The following NBEAL2 variants were observed in gnomAD, a reference collection of about 807,000 sequenced individuals.
NBEAL2 encodes neurobeachin-like protein 2.
A neutral mutation model predicts 299.8 loss-of-function variants in NBEAL2; 160 were observed. The ratio of observed to expected loss-of-function variants is 0.53; its 90% CI spans 0.47 to 0.61. The LOEUF (loss-of-function observed/expected upper bound fraction) is 0.61, where lower values mean the gene tolerates loss of function less well. Ranked by LOEUF, NBEAL2 falls within the 20% of genes least tolerant of loss-of-function variation. NBEAL2 has a pLI of 0.00. For missense variants in NBEAL2, 3,112 were observed against 3,649.0 expected (o/e 0.85, Z 3.79); for synonymous variants, 1,493 against 1,542.3 (o/e 0.97, Z 0.75).
intron 21 of NBEAL2, 29 bp from the exon 22 acceptor site, chr3:46,998,434 G>A (rs2036674663): frequency 6.3e-7 from 1 of 1,592,586 alleles, no homozygotes; most frequent in African/African-American, 1.3e-5. Flanking sequence ...CAGCCTAGTG[G>A]CCTGAGCCCT....
In NBEAL2 at chr3:47,009,350, C is replaced by A. The variant is rs772660103; in HGVS notation, c.*30C>A. 6.4e-7 allele frequency: 1 copy of A among 1,556,154 alleles called. No individual in the cohort carries two copies. Among genetic ancestry groups the A allele is most frequent in the East Asian group, 2.4e-5 (1 of 41,212 alleles). On this transcript the variant is annotated 3_prime_UTR_variant, in exon 54 of 54. Coordinates refer to ENST00000450053, the MANE Select transcript of NBEAL2 (RefSeq NM_015175.3). ...GGCCAGTCCGGCTGCTCGGGCCCCG[C>A]CCCCGGCAGGCCTGGCCCGGGAGGC...
rs767054517 is a variant in NBEAL2, at chr3:47,002,206, C to G, written c.5069C>G (p.Pro1690Arg). ...GLQWGLPSLP[P>R]TNGSPTFFED... ...CAGTGGGGACTGCCCTCCCTGCCACCCACCAATGGCAGCCCCACCTTCTTT... is the reference window on the plus strand; with the variant it reads ...CAGTGGGGACTGCCCTCCCTGCCACGCACCAATGGCAGCCCCACCTTCTTT... The change falls in exon 31 of 54, where the codon CCC becomes CGC. Residue 1690 changes from proline to arginine, a missense_variant. Pro to Arg is a moderately radical substitution (Grantham distance 103). Transcript: ENST00000450053. 13 of 1,531,632 alleles carry G rather than the reference C, an allele frequency of 8.5e-6. No individual in the cohort carries two copies. The highest frequency in any genetic ancestry group is 1.1e-5 in the Non-Finnish European group (13 of 1,136,322). The allele number at this position is 1,531,632 out of a possible 1,614,324, so 94.9% of individuals were successfully genotyped here.
In NBEAL2 at chr3:46,991,589, C is replaced by T. The variant is rs1288539791; in HGVS notation, c.826C>T (p.Leu276=). The change falls in exon 8 of 54, where the codon CTG becomes TTG. Residue 276 remains leucine, a synonymous_variant. Coordinates refer to ENST00000450053, the MANE Select transcript of NBEAL2 (RefSeq NM_015175.3). The surrounding 1 kb of genome is among the most constrained non-coding windows in gnomAD (Gnocchi z 6.2). ...APPRGPELRA[L]LESYFHVLNA... is the part of the protein sequence containing the mutation. Reference sequence around the variant, plus strand: ...TCCTCGTGGCCCAGAGCTTCGTGCCCTGCTTGAGAGCTACTTCCATGTCCT... The same window carrying T: ...TCCTCGTGGCCCAGAGCTTCGTGCCTTGCTTGAGAGCTACTTCCATGTCCT... 1 of 1,601,720 alleles carries T rather than the reference C, an allele frequency of 6.2e-7. No homozygotes were observed. Among genetic ancestry groups the T allele is most frequent in the South Asian group, 1.1e-5 (1 of 91,086 alleles).
intron 12 of NBEAL2, 126 bp downstream of exon 12, chr3:46,994,679 A>C: frequency 2.4e-6 from 2 of 829,426 alleles, no homozygotes; most frequent in Non-Finnish European, 3.8e-6. Context: ...TGTTACCTGT[A>C]GCCTGGCCAT....
chr3:47,008,941 A>G, intron 52 of NBEAL2, 48 bp from the exon 53 acceptor site: 1 of 1,597,760 alleles, frequency 6.3e-7, no homozygotes, highest in Non-Finnish European at 8.5e-7. Context: ...GCTGGTCGCA[A>G]AGCCCCCTTG....
At position 46,982,837 on chromosome 3, in the gene NBEAL2, T is replaced by A. The variant is rs1299996221; in HGVS notation, c.51+2925T>A. Among the ~76,000 whole-genome samples the A allele has an allele frequency of 6.6e-6, 1 of 151,974 alleles. No homozygotes were observed. The highest frequency in any genetic ancestry group is 2.4e-5 in the African/African-American group (1 of 41,354). ...CCTGGTGGACAGGTGGGGGCTCATCTAGAGGACTCAGAGCCCACCAGAGCT... is the reference window on the plus strand; with the variant it reads ...CCTGGTGGACAGGTGGGGGCTCATCAAGAGGACTCAGAGCCCACCAGAGCT... On this transcript the variant is annotated intron_variant, in intron 1 of 53. Coordinates refer to ENST00000450053, the MANE Select transcript of NBEAL2 (RefSeq NM_015175.3). The surrounding 1 kb of genome is among the most constrained non-coding windows in gnomAD (Gnocchi z 4.2).
intron 45 of NBEAL2, 123 bp from the exon 46 acceptor site, chr3:47,006,943 A>G: frequency 1.3e-6 from 1 of 768,708 alleles, no homozygotes; most frequent in East Asian, 2.7e-5. Context: ...GAACCTCTGC[A>G]TCTGTGACAC....
At position 46,991,182 on chromosome 3, in the gene NBEAL2, C is replaced by A. The variant is rs1032428893; in HGVS notation, c.557-37C>A. 5.2e-6 allele frequency: 8 copies of A among 1,551,778 alleles called. No homozygotes were observed. The highest frequency in any genetic ancestry group is 1.4e-5 in the African/African-American group (1 of 73,248). On this transcript the variant is annotated intron_variant, in intron 6 of 53. Transcript: ENST00000450053. This position sits in a 1 kb window ranked among gnomAD's most constrained non-coding sequence, Gnocchi z 6.2. ...CCCCCTGGGTCCATAGCCCTGCAAC[C>A]TTGGTGACATTACCCTGCCCACACC...
chr3:46,989,302 G>T lies in NBEAL2; in HGVS notation c.394G>T (p.Glu132Ter). 6.2e-7 allele frequency: 1 copy of T among 1,607,030 alleles called. No homozygotes were observed. The highest frequency in any genetic ancestry group is 2.2e-5 in the East Asian group (1 of 44,532). The part of the protein sequence containing the change: ...PPPQGRGTQL[E>*]NVALHALLLC... ...ACCCCAGGGCCGAGGCACGCAGTTG[G>T]AGAATGTGGCCCTACATGCTCTGCT... The change falls in exon 5 of 54, where the codon GAG becomes TAG. Residue 132 changes from glutamate (E) to a stop codon, truncating the protein, a stop_gained. Transcript: ENST00000450053. LOFTEE classifies it high-confidence loss of function. The surrounding 1 kb of genome is among the most constrained non-coding windows in gnomAD (Gnocchi z 5.5).
In NBEAL2 at chr3:46,995,266, C is replaced by G. The variant is rs11720139; in HGVS notation, c.1531C>G (p.Arg511Gly). Residue 511 changes from arginine to glycine, a missense_variant, in exon 13 of 54, where the codon CGC becomes GGC. By Grantham distance (125) the Arg-to-Gly change is moderately radical (BLOSUM62 -2). This residue lies in a region of NBEAL2 where 2,243 missense variants were observed against 2,538.1 expected (regional missense o/e 0.88). Transcript: ENST00000450053. ...TLSTGLALEA[R>G]CQEQLLALLQ... ...CAGCACAGGGCTAGCCCTGGAGGCC[C>G]GCTGCCAAGAGCAGCTGCTGGCACT... is the stretch of plus-strand genomic sequence containing the variant. The G allele has an allele frequency of 0.39, 604,747 of 1,559,560 alleles. 119,769 individuals carry two copies. The highest frequency in any genetic ancestry group is 0.47 in the Middle Eastern group (2,821 of 5,998).
At chr3:46,985,795 G>T (rs1173606349) in intron 1 of NBEAL2, among the ~76,000 whole-genome samples, 2 of 152,222 alleles carry the variant, frequency 1.3e-5, no homozygotes, top group Admixed American at 1.3e-4. Context: ...TGGGGCAAGG[G>T]GCTGGACTGT....
intron 1 of NBEAL2, among the ~76,000 whole-genome samples, chr3:46,985,401 C>T (rs2035612453): frequency 1.3e-5 from 2 of 152,174 alleles, no homozygotes; most frequent in Non-Finnish European, 2.9e-5. Flanking sequence ...GTCAGCTTGG[C>T]AAACAAGGTG....
chr3:46,983,649 G>A (rs1019559244), intron 1 of NBEAL2, among the ~76,000 whole-genome samples: 1 of 152,062 alleles, frequency 6.6e-6, no homozygotes, highest in African/African-American at 2.4e-5. Flanking sequence ...TTACCTTCCT[G>A]AAATGGGTAA....
rs1461331048 is a variant in NBEAL2 at position 46,988,807 on chromosome 3, G to C, written c.141-35G>C. 1 of 1,603,544 alleles carries C rather than the reference G, an allele frequency of 6.2e-7. No individual in the cohort carries two copies. The highest frequency in any genetic ancestry group is 8.5e-7 in the Non-Finnish European group (1 of 1,171,536). The stretch of plus-strand genomic sequence containing the variant: ...CAGGGACAGAGCAGGGAGATTGAGG[G>C]GTCCTCAGCACCCGTGTCTCCCCTT... On this transcript the variant is annotated intron_variant, in intron 2 of 53. Coordinates refer to ENST00000450053, the MANE Select transcript of NBEAL2 (RefSeq NM_015175.3). The surrounding 1 kb of genome is among the most constrained non-coding windows in gnomAD (Gnocchi z 4.4).
In NBEAL2 at chr3:47,008,277, C is replaced by T. The variant is rs778080399; in HGVS notation, c.7720-6C>T. The T allele has an allele frequency of 3.7e-6, 6 of 1,613,012 alleles. No individual in the cohort carries two copies. Among genetic ancestry groups the T allele is most frequent in the Non-Finnish European group, 5.1e-6 (6 of 1,179,480 alleles). ...CTGCCCAGGACCCTAAGTTGCCTTC[C>T]TGCAGGATGGAACTGTGATCATACA... is the stretch of plus-strand genomic sequence containing the variant. On this transcript the variant is annotated splice_region_variant and splice_polypyrimidine_tract_variant and intron_variant, in intron 50 of 53. Coordinates refer to ENST00000450053, the MANE Select transcript of NBEAL2 (RefSeq NM_015175.3).
Position 47,005,726 on chromosome 3 carries a change from C to G in NBEAL2, c.6692-12C>G. 6.2e-7 allele frequency: 1 copy of G among 1,613,076 alleles called. No homozygotes were observed. Among genetic ancestry groups the G allele is most frequent in the Non-Finnish European group, 8.5e-7 (1 of 1,179,676 alleles). ...TGGACAGGGAGACAGCTGACCCAGT[C>G]CTCTGTGCCAGGTTTTGACCTGGGC... On this transcript the variant is annotated splice_polypyrimidine_tract_variant and intron_variant, in intron 41 of 53. Coordinates refer to ENST00000450053, the MANE Select transcript of NBEAL2 (RefSeq NM_015175.3).
In NBEAL2 at chr3:47,007,717, T is replaced by C. The variant is rs1222215240; in HGVS notation, c.7507+20T>C. On this transcript the variant is annotated intron_variant, in intron 48 of 53. Coordinates refer to ENST00000450053, the MANE Select transcript of NBEAL2 (RefSeq NM_015175.3). ...ACCTTGGTATGAACAGCCTTGGAGC[T>C]GGGGAGAATGAGGCACACAGGTATG... 6.2e-7 allele frequency: 1 copy of C among 1,609,160 alleles called. No individual in the cohort carries two copies. The highest frequency in any genetic ancestry group is 8.5e-7 in the Non-Finnish European group (1 of 1,177,342).
rs750488542 is a variant in NBEAL2 at position 46,999,361 on chromosome 3, G to A, written c.3590G>A (p.Arg1197His). The change falls in exon 25 of 54, where the codon CGC (arginine) becomes CAC (histidine). Residue 1197 changes from arginine (R) to histidine (H), a missense_variant. Coordinates refer to ENST00000450053, the MANE Select transcript of NBEAL2 (RefSeq NM_015175.3). ...QQNERLPERSRQRLRLRECGL... is the reference protein window; with the variant it reads ...QQNERLPERSHQRLRLRECGL... ...AATGAGCGGCTACCTGAGCGGAGCC[G>A]CCAGCGCCTCCGGCTGCGGGAGTGT... is the stretch of plus-strand genomic sequence containing the variant. The A allele has an allele frequency of 2.2e-5, 35 of 1,610,882 alleles. No individual in the cohort carries two copies. Among genetic ancestry groups the A allele is most frequent in the Middle Eastern group, 1.7e-4 (1 of 6,054 alleles).
chr3:46,996,893 C>T (rs1196587905), intron 17 of NBEAL2, 60 bp downstream of exon 17: 4 of 1,608,518 alleles, frequency 2.5e-6, no homozygotes, highest in Non-Finnish European at 3.4e-6. Context: ...GGCTCCCACA[C>T]TCTGCCTGCC....
Sources: gnomAD v4.1 joint callset for allele counts (sites outside exome capture counted in the v4.1 genomes callset) on GRCh38, gnomAD v4.1.1 for gene constraint, gnomAD v4.1.1 regional missense constraint, Gnocchi (gnomAD v3.1) non-coding constraint, MANE v1.5 for transcripts, NCBI Gene and HGNC (gene_info 2026-07-23, HGNC 2026-07-21) for gene names.